HSDL2: variants seen among roughly 807,000 people sequenced by gnomAD.
HSDL2 encodes the protein hydroxysteroid dehydrogenase-like protein 2.
HSDL2 carries 27 observed loss-of-function variants against 46.3 expected under a neutral mutation model. The observed-to-expected ratio is 0.58, with a 90% CI of 0.43 to 0.80. HSDL2 has a LOEUF of 0.80. HSDL2 is among the 30% of genes least tolerant of loss of function. The pLI is 0.00. For synonymous variants in HSDL2, 153 were observed against 163.6 expected, an observed-to-expected ratio of 0.94 and a Z score of 0.50; for missense variants, 451 against 502.7, an observed-to-expected ratio of 0.90 and a Z score of 0.98.
At position 112,439,439 on chromosome 9, in the gene HSDL2, A is replaced by T. The variant is rs1587956087; in HGVS notation, c.793+814A>T. Among the ~76,000 whole-genome samples, 3 of 151,386 alleles carry T rather than the reference A, an allele frequency of 2.0e-5. No homozygotes were observed. The South Asian group carries it at 6.2e-4, about 31-fold the overall frequency. On this transcript the variant is annotated intron_variant, in intron 7 of 10. Transcript: ENST00000398805. Reference sequence around the variant, plus strand: ...GCTCTGTCTCATGGACAGTAAAGTGATCTGAGAAGCTTCTAGAAAGCCCTC... The same window carrying T: ...GCTCTGTCTCATGGACAGTAAAGTGTTCTGAGAAGCTTCTAGAAAGCCCTC...
chr9:112,381,646 G>C (rs1831099862), intron 1 of HSDL2, among the ~76,000 whole-genome samples: 1 of 152,096 alleles, frequency 6.6e-6, no homozygotes, highest in Non-Finnish European at 1.5e-5. Flanking sequence ...AAGCCACTGC[G>C]CCTGGCCCCT....
rs574204298 is a variant in HSDL2 at position 112,452,379 on chromosome 9, A to T, written c.866-1634A>T. ...ACAGATTGGCCTTGGAGTTAATTTA[A>T]TTAACGAATTGTTCTTACCTGTTTC... On this transcript the variant is annotated intron_variant, in intron 8 of 10. Coordinates refer to ENST00000398805, the MANE Select transcript of HSDL2 (RefSeq NM_032303.5). Among the ~76,000 whole-genome samples, 6 of 152,322 alleles carry T rather than the reference A, an allele frequency of 3.9e-5. No individual in the cohort carries two copies. In the South Asian group the frequency reaches 1.2e-3, roughly 32 times the overall value.
At chr9:112,453,914 G>A (rs1265462221) in intron 8 of HSDL2, 99 bp from the exon 9 acceptor site, 1 of 1,158,942 alleles carries the variant, frequency 8.6e-7, no homozygotes, top group Non-Finnish European at 1.2e-6. Flanking sequence ...GGTCAAATAG[G>A]TCTAATTGGT....
intron 1 of HSDL2, among the ~76,000 whole-genome samples, chr9:112,388,988 A>G (rs934950564): frequency 6.6e-6 from 1 of 152,074 alleles, no homozygotes; most frequent in Non-Finnish European, 1.5e-5. Context: ...CTGTGAAAGT[A>G]GATACATGAG....
intron 1 of HSDL2, among the ~76,000 whole-genome samples, chr9:112,388,013 G>A (rs1303919983): frequency 6.6e-6 from 1 of 151,976 alleles, no homozygotes; most frequent in African/African-American, 2.4e-5. Context: ...AAAAAAATTA[G>A]CTGGGCTTGA....
chr9:112,446,039 G>A (rs1424461278), intron 8 of HSDL2, among the ~76,000 whole-genome samples: 1 of 152,046 alleles, frequency 6.6e-6, no homozygotes, highest in Admixed American at 6.6e-5. Context: ...TGGTAAATTA[G>A]TTTTAGATAT....
chr9:112,448,012 C>A (rs1187200276), intron 8 of HSDL2, among the ~76,000 whole-genome samples: 6 of 152,230 alleles, frequency 3.9e-5, no homozygotes, highest in African/African-American at 1.4e-4. Context: ...GGGTTCAAAT[C>A]CGGTGCCCGC....
rs1832579821 is a variant in HSDL2 at position 112,438,627 on chromosome 9, T to C, written c.793+2T>C. The C allele has an allele frequency of 6.6e-7, 1 of 1,513,770 alleles. No individual in the cohort carries two copies. Among genetic ancestry groups the C allele is most frequent in the African/African-American group, 1.4e-5 (1 of 71,856 alleles). The allele number at this position is 1,513,770 out of a possible 1,614,324, so 93.8% of individuals were successfully genotyped here. ...TTGACGTTTATGCAATTAAACCAGG[T>C]AATGCTTTTATAGTTTTTAAAAGTA... On this transcript the variant is annotated splice_donor_variant, in intron 7 of 10. Coordinates refer to ENST00000398805, the MANE Select transcript of HSDL2 (RefSeq NM_032303.5). LOFTEE classifies it high-confidence loss of function.
At chr9:112,429,741 G>A (rs1447393285) in intron 6 of HSDL2, among the ~76,000 whole-genome samples, 6 of 152,252 alleles carry the variant, frequency 3.9e-5, no homozygotes, top group African/African-American at 1.4e-4. Context: ...CAAAGGAAGG[G>A]GGATTGGAGT....
chr9:112,419,034 A>G (rs1832060639), intron 6 of HSDL2, 76 bp downstream of exon 6: 2 of 772,476 alleles, frequency 2.6e-6, no homozygotes, highest in South Asian at 2.8e-5. Context: ...TTTTGACAGA[A>G]TCTCACTCTT....
chr9:112,409,664 C>T (rs554884661), intron 4 of HSDL2, among the ~76,000 whole-genome samples: 1 of 152,054 alleles, frequency 6.6e-6, no homozygotes, highest in African/African-American at 2.4e-5. Context: ...AAGACGCTGT[C>T]TCTACAAAAA....
chr9:112,432,616 C>A (rs1832433420), intron 6 of HSDL2, among the ~76,000 whole-genome samples: 1 of 152,196 alleles, frequency 6.6e-6, no homozygotes, highest in African/African-American at 2.4e-5. Flanking sequence ...TTGCTGAGAT[C>A]TTTGCTTTAG....
chr9:112,409,658 C>T (rs1215013765), intron 4 of HSDL2, among the ~76,000 whole-genome samples: 4 of 151,990 alleles, frequency 2.6e-5, no homozygotes, highest in South Asian at 2.1e-4. Flanking sequence ...GATGGCAAGA[C>T]GCTGTCTCTA....
chr9:112,470,225 A>G (rs950356544), intron 10 of HSDL2, among the ~76,000 whole-genome samples: 1 of 152,212 alleles, frequency 6.6e-6, no homozygotes, highest in Non-Finnish European at 1.5e-5. Flanking sequence ...TGTTGTTTTT[A>G]TGCTAGCTCT....
chr9:112,401,216 C>A (rs1470308523), intron 1 of HSDL2, among the ~76,000 whole-genome samples: 2 of 152,060 alleles, frequency 1.3e-5, no homozygotes, highest in African/African-American at 4.8e-5. Flanking sequence ...AATCCCAGCA[C>A]TTTGGGAAGC....
In HSDL2 at chr9:112,380,137, C is replaced by A. The variant is rs999466900; in HGVS notation, c.-27C>A. 13 of 1,561,372 alleles carry A rather than the reference C, an allele frequency of 8.3e-6. No homozygotes were observed. Among genetic ancestry groups the A allele is most frequent in the Non-Finnish European group, 1.1e-5 (13 of 1,151,412 alleles). ...CTCTGCTCGCCGCCGCCGCTGTCGC[C>A]GCCACCTCCTCTGATCTACGAAAGT... On this transcript the variant is annotated 5_prime_UTR_variant, in exon 1 of 11. Transcript: ENST00000398805.
At chr9:112,469,162 T>C (rs1402536384) in intron 10 of HSDL2, among the ~76,000 whole-genome samples, 1 of 152,186 alleles carries the variant, frequency 6.6e-6, no homozygotes, top group Admixed American at 6.5e-5. Flanking sequence ...TGATCCTTTC[T>C]ACCTATAATA....
chr9:112,389,053 GGTCA>G (rs1831280967), intron 1 of HSDL2, among the ~76,000 whole-genome samples: 1 of 151,444 alleles, frequency 6.6e-6, no homozygotes. Context: ...TTTGAGACAG[GGTCA>G]GTCTCTGTTT....
At chr9:112,455,616 G>A (rs775378930) in intron 9 of HSDL2, among the ~76,000 whole-genome samples, 6 of 152,242 alleles carry the variant, frequency 3.9e-5, no homozygotes, top group East Asian at 3.9e-4. Flanking sequence ...CTATTGCCCC[G>A]CTTCAGCTGA....
Sources: gnomAD v4.1 joint callset for allele counts (sites outside exome capture counted in the v4.1 genomes callset) on GRCh38, gnomAD v4.1.1 for gene constraint, MANE v1.5 for transcripts, NCBI Gene and HGNC (gene_info 2026-07-23, HGNC 2026-07-21) for gene names.